SUGCT: variants seen among roughly 807,000 people sequenced by gnomAD.
SUGCT encodes succinyl-CoA:glutarate-CoA transferase, also known as succinyl-CoA:glutarate CoA-transferase.
A neutral mutation model predicts 55.0 loss-of-function variants in SUGCT; 41 were observed. The observed-to-expected ratio is 0.74, with a 90% CI of 0.58 to 0.97. SUGCT has a LOEUF of 0.97. Ranked by LOEUF, SUGCT falls within the 50% of genes least tolerant of loss-of-function variation. The pLI is 0.00. For missense variants in SUGCT, 568 were observed against 547.8 expected (o/e 1.04, Z -0.37); for synonymous variants, 187 against 200.4 (o/e 0.93, Z 0.56).
At chr7:41,005,125 C>T in the SUGCT span, among the ~76,000 whole-genome samples, 1 of 152,088 alleles carries the variant, frequency 6.6e-6, no homozygotes, top group Non-Finnish European at 1.5e-5. Context: ...ACATGACTTT[C>T]AGAGTCATCT....
intron 9 of SUGCT, among the ~76,000 whole-genome samples, chr7:40,355,303 A>G (rs1449581722): frequency 6.6e-6 from 1 of 152,202 alleles, no homozygotes. Context: ...GAATCTTTTT[A>G]TAATTGACTT....
chr7:40,444,074 T>C (rs1447863309), intron 9 of SUGCT, among the ~76,000 whole-genome samples: 1 of 152,154 alleles, frequency 6.6e-6, no homozygotes, highest in Non-Finnish European at 1.5e-5. Context: ...TCTGTTCCAT[T>C]GGTCTATATC....
chr7:40,947,997 G>A, the SUGCT span, among the ~76,000 whole-genome samples: 6 of 152,154 alleles, frequency 3.9e-5, no homozygotes, highest in Non-Finnish European at 5.9e-5. Flanking sequence ...TCCTTTAGCC[G>A]ATGAAGCCTC....
At chr7:40,898,487 G>GGGGGGC in the SUGCT span, among the ~76,000 whole-genome samples, 1 of 76,944 alleles carries the variant, frequency 1.3e-5, no homozygotes, top group Non-Finnish European at 2.7e-5. Flanking sequence ...GGTCGGGGGG[G>GGGGGGC]GGGGGGGGGG....
chr7:40,873,908 T>C, the SUGCT span, among the ~76,000 whole-genome samples: 4 of 152,360 alleles, frequency 2.6e-5, no homozygotes, highest in East Asian at 7.7e-4. Flanking sequence ...TGTAACCTGC[T>C]GTGCTTAGGA....
intron 12 of SUGCT, among the ~76,000 whole-genome samples, chr7:40,589,878 A>T (rs552504980): frequency 4.5e-4 from 68 of 152,308 alleles, no homozygotes; most frequent in Non-Finnish European, 7.6e-4. Flanking sequence ...GCTCATTTCT[A>T]ACTACAAGGA....
chr7:40,487,127 C>T (rs911495444), intron 11 of SUGCT, among the ~76,000 whole-genome samples: 6 of 144,828 alleles, frequency 4.1e-5, no homozygotes, highest in African/African-American at 1.5e-4. Flanking sequence ...TGTTGTTGCC[C>T]AGGCTGGAGT....
At chr7:40,453,907 T>C (rs1255568822) in intron 10 of SUGCT, among the ~76,000 whole-genome samples, 1 of 152,126 alleles carries the variant, frequency 6.6e-6, no homozygotes, top group Non-Finnish European at 1.5e-5. Flanking sequence ...CTAACAAGCA[T>C]CACAAACACT....
intron 13 of SUGCT, among the ~76,000 whole-genome samples, chr7:40,813,437 G>A (rs1415922063): frequency 6.6e-6 from 1 of 152,190 alleles, no homozygotes; most frequent in East Asian, 1.9e-4. Flanking sequence ...TCTTCTTATA[G>A]AATTGAACTC....
chr7:41,009,397 A>C, the SUGCT span, among the ~76,000 whole-genome samples: 1 of 152,188 alleles, frequency 6.6e-6, no homozygotes, highest in Non-Finnish European at 1.5e-5. Flanking sequence ...TAGGTTCCCA[A>C]ATCATAGGCC....
chr7:40,272,466 T>C (rs927150886), intron 7 of SUGCT, among the ~76,000 whole-genome samples: 1 of 150,594 alleles, frequency 6.6e-6, no homozygotes, highest in South Asian at 2.1e-4. Context: ...CATGAGCCAC[T>C]GTGCGTGAAC....
intron 12 of SUGCT, among the ~76,000 whole-genome samples, chr7:40,672,717 AG>A (rs2151873292): frequency 6.6e-6 from 1 of 152,352 alleles, no homozygotes; most frequent in Non-Finnish European, 1.5e-5. Flanking sequence ...TTACCATTGA[AG>A]GAAACTGCAT....
intron 11 of SUGCT, among the ~76,000 whole-genome samples, chr7:40,465,951 G>C (rs1326243845): frequency 6.6e-6 from 1 of 152,068 alleles, no homozygotes; most frequent in African/African-American, 2.4e-5. Flanking sequence ...GTGTGATCAT[G>C]GTTCACTTTA....
At chr7:41,028,403 G>A in the SUGCT span, among the ~76,000 whole-genome samples, 2 of 152,196 alleles carry the variant, frequency 1.3e-5, no homozygotes, top group Non-Finnish European at 2.9e-5. Flanking sequence ...GATCAATTTG[G>A]AAAGCAACAT....
chr7:40,331,905 G>C (rs1313102212), intron 9 of SUGCT, among the ~76,000 whole-genome samples: 1 of 152,172 alleles, frequency 6.6e-6, no homozygotes, highest in Non-Finnish European at 1.5e-5. Flanking sequence ...CGTTAGTGTT[G>C]TTAGTATAGC....
At chr7:40,676,567 A>G (rs1783996072) in intron 12 of SUGCT, among the ~76,000 whole-genome samples, 1 of 150,134 alleles carries the variant, frequency 6.7e-6, no homozygotes, top group Non-Finnish European at 1.5e-5. Flanking sequence ...CAGTGGCAAA[A>G]TCTTGGCTCA....
intron 12 of SUGCT, among the ~76,000 whole-genome samples, chr7:40,531,583 G>A (rs1451733477): frequency 6.7e-6 from 1 of 150,068 alleles, no homozygotes; most frequent in African/African-American, 2.4e-5. Flanking sequence ...ATTATAAGAA[G>A]CAAGAAGTTC....
chr7:40,843,508 C>CAAAAAAAAAAAAAAAA lies in SUGCT; in HGVS notation c.1154-16797_1154-16796insAAAAAAAAAAAAAAAA, dbSNP rs57586466. ...CTAGCAACAGAGAGAGACTCTGTCT[C>CAAAAAAAAAAAAAAAA]AAAAAAAAAAAGTTGAAGTGAGTCA... On this transcript the variant is annotated intron_variant, in intron 13 of 13. Transcript: ENST00000335693. Among the ~76,000 whole-genome samples the CAAAAAAAAAAAAAAAA allele has an allele frequency of 1.4e-3, 185 of 127,670 alleles. 7 individuals are homozygous for CAAAAAAAAAAAAAAAA. Among genetic ancestry groups the CAAAAAAAAAAAAAAAA allele is most frequent in the African/African-American group, 3.8e-3 (134 of 35,412 alleles). 83.8% of individuals were successfully genotyped at this position (127,670 alleles called of 152,430 possible). A position where few individuals can be genotyped will look rare whatever the true frequency, so the allele number is the denominator to read the frequency against.
At chr7:40,206,808 A>G (rs1787001134) in intron 6 of SUGCT, among the ~76,000 whole-genome samples, 1 of 152,198 alleles carries the variant, frequency 6.6e-6, no homozygotes, top group African/African-American at 2.4e-5. Flanking sequence ...TTCAGCACGG[A>G]TGCAAGTTTT....
Sources: allele counts gnomAD v4.1 joint callset (sites outside exome capture counted in the v4.1 genomes callset), GRCh38; gene constraint gnomAD v4.1.1; transcripts MANE v1.5; gene names NCBI Gene and HGNC (gene_info 2026-07-23, HGNC 2026-07-21).